The following GPC6 variants were observed in gnomAD, a reference collection of about 807,000 sequenced individuals.
GPC6 encodes the protein glypican 6, also known as glypican-6.
GPC6 carries 14 observed loss-of-function variants against 55.2 expected under a neutral mutation model. That is an observed-to-expected ratio of 0.25 (90% CI 0.17 to 0.40). The LOEUF is 0.40. GPC6 is among the 10% of genes least tolerant of loss of function. The pLI, the probability that GPC6 is intolerant of heterozygous loss-of-function variation, is 1.00. For synonymous variants in GPC6, 278 were observed against 259.6 expected, an observed-to-expected ratio of 1.07 and a Z score of -0.68; for missense variants, 641 against 708.5, an observed-to-expected ratio of 0.90 and a Z score of 1.08.
chr13:94,241,351 C>T (rs914396569), intron 4 of GPC6, among the ~76,000 whole-genome samples: 4 of 152,230 alleles, frequency 2.6e-5, no homozygotes, highest in African/African-American at 4.8e-5. Context: ...AACTGATTGT[C>T]GGCTTTTTTT....
intron 3 of GPC6, among the ~76,000 whole-genome samples, chr13:94,013,479 T>C (rs1299862484): frequency 6.6e-6 from 1 of 152,154 alleles, no homozygotes; most frequent in Non-Finnish European, 1.5e-5. Context: ...GCTTCCCAAG[T>C]AGCTGGGATT....
At chr13:93,738,597 A>T (rs983811870) in intron 2 of GPC6, among the ~76,000 whole-genome samples, 17 of 152,200 alleles carry the variant, frequency 1.1e-4, no homozygotes, top group Non-Finnish European at 7.3e-5. Flanking sequence ...CTCATGGTTA[A>T]CATTATAATA....
chr13:94,256,799 C>T (rs1255213527), intron 4 of GPC6, among the ~76,000 whole-genome samples: 1 of 152,152 alleles, frequency 6.6e-6, no homozygotes, highest in Admixed American at 6.5e-5. Flanking sequence ...ATCTTGATGA[C>T]TCACCAAGCA....
At chr13:94,182,691 A>C (rs1400705200) in intron 4 of GPC6, among the ~76,000 whole-genome samples, 2 of 152,222 alleles carry the variant, frequency 1.3e-5, no homozygotes, top group African/African-American at 4.8e-5. Context: ...CAAAATGATC[A>C]CAGGTTGTCC....
chr13:94,037,369 A>T (rs1883375896), intron 4 of GPC6, among the ~76,000 whole-genome samples: 1 of 151,978 alleles, frequency 6.6e-6, no homozygotes, highest in Admixed American at 6.6e-5. Flanking sequence ...CCCGGAGAAA[A>T]TGTTTAAATG....
At chr13:93,786,596 C>A (rs1300566828) in intron 2 of GPC6, among the ~76,000 whole-genome samples, 23 of 149,986 alleles carry the variant, frequency 1.5e-4, no homozygotes, top group South Asian at 6.3e-4. Flanking sequence ...AAAAAAAAAA[C>A]CATTTTTGTG....
At chr13:93,296,548 A>C (rs183427450) in intron 1 of GPC6, among the ~76,000 whole-genome samples, 119 of 152,124 alleles carry the variant, frequency 7.8e-4, no homozygotes, top group Non-Finnish European at 1.5e-3. Context: ...TAATCTGGAC[A>C]TGACAAAAGC....
At chr13:94,324,502 G>A (rs1286642203) in intron 6 of GPC6, among the ~76,000 whole-genome samples, 1 of 152,056 alleles carries the variant, frequency 6.6e-6, no homozygotes, top group African/African-American at 2.4e-5. Context: ...AATGATCAGC[G>A]CTTCGAGAGT....
chr13:93,581,613 G>T (rs755595626), intron 2 of GPC6, among the ~76,000 whole-genome samples: 1 of 152,114 alleles, frequency 6.6e-6, no homozygotes, highest in Non-Finnish European at 1.5e-5. Context: ...AGGCTGAGGT[G>T]GGAGAATCGC....
At chr13:93,591,439 G>C (rs1031824640) in intron 2 of GPC6, among the ~76,000 whole-genome samples, 1 of 148,818 alleles carries the variant, frequency 6.7e-6, no homozygotes, top group African/African-American at 2.5e-5. Context: ...ACTCCAGCCT[G>C]GGCGACAGAG....
chr13:93,711,028 C>CTGAATA (rs1883037378), intron 2 of GPC6, among the ~76,000 whole-genome samples: 1 of 151,714 alleles, frequency 6.6e-6, no homozygotes, highest in African/African-American at 2.4e-5. Flanking sequence ...TTAAAATCAC[C>CTGAATA]TGAATATGAC....
chr13:94,023,679 C>A (rs1882788750), intron 3 of GPC6, among the ~76,000 whole-genome samples: 1 of 151,994 alleles, frequency 6.6e-6, no homozygotes, highest in African/African-American at 2.4e-5. Context: ...GTACATAAAT[C>A]CGCATAGCAA....
chr13:94,324,882 TC>T (rs1877034244), intron 6 of GPC6, among the ~76,000 whole-genome samples: 1 of 152,036 alleles, frequency 6.6e-6, no homozygotes, highest in Admixed American at 6.6e-5. Flanking sequence ...GGTTTTCACA[TC>T]CCATATCTCA....
chr13:93,916,986 C>A (rs1200049868), intron 3 of GPC6, among the ~76,000 whole-genome samples: 1 of 152,050 alleles, frequency 6.6e-6, no homozygotes, highest in Non-Finnish European at 1.5e-5. Context: ...CATAAGCTCC[C>A]TTTTTGCCCC....
chr13:94,085,278 C>T (rs140875149), intron 4 of GPC6, among the ~76,000 whole-genome samples: 41 of 131,408 alleles, frequency 3.1e-4, no homozygotes, highest in South Asian at 9.6e-4. Flanking sequence ...GCCGAGATCA[C>T]GCCACTGCAC....
In GPC6 at chr13:93,545,346, G is replaced by A. The variant is rs867813763; in HGVS notation, c.244G>A (p.Glu82Lys). 5.6e-6 allele frequency: 9 copies of A among 1,613,588 alleles called. No individual in the cohort carries two copies. Among genetic ancestry groups the A allele is most frequent in the Non-Finnish European group, 2.5e-6 (3 of 1,179,700 alleles). Reference protein sequence around the residue: ...EDKLSQQSKLEFENLVEETSH... With the variant: ...EDKLSQQSKLKFENLVEETSH... ...CAAGTTAAGCCAACAAAGCAAACTC[G>A]AATTTGAAAACCTTGTGGAAGAGAC... Residue 82 changes from glutamate to lysine, a missense_variant, in exon 2 of 9, where the codon GAA becomes AAA. Physicochemically the swap from Glu to Lys is moderately conservative, Grantham distance 56. Coordinates refer to ENST00000377047, the MANE Select transcript of GPC6 (RefSeq NM_005708.5).
intron 4 of GPC6, among the ~76,000 whole-genome samples, chr13:94,170,472 C>G (rs898298556): frequency 6.6e-6 from 1 of 152,092 alleles, no homozygotes; most frequent in African/African-American, 2.4e-5. Context: ...GCCCAGTAGC[C>G]GCTGTGTGCT....
intron 6 of GPC6, 114 bp from the exon 7 acceptor site, chr13:94,382,300 A>G: frequency 9.1e-7 from 1 of 1,095,976 alleles, no homozygotes. Flanking sequence ...ACTGTTAAAG[A>G]GTTCCTGCTG....
intron 1 of GPC6, among the ~76,000 whole-genome samples, chr13:93,432,487 TG>T (rs987593521): frequency 1.3e-5 from 2 of 152,170 alleles, no homozygotes; most frequent in Admixed American, 1.3e-4. Context: ...AAGTGGAGTC[TG>T]GTGGTTTTGT....
Sources: allele counts gnomAD v4.1 joint callset (sites outside exome capture counted in the v4.1 genomes callset), GRCh38; gene constraint gnomAD v4.1.1; transcripts MANE v1.5; gene names NCBI Gene and HGNC (gene_info 2026-07-23, HGNC 2026-07-21).